Variants in IL16 observed in about 807,000 individuals in gnomAD.
The protein encoded by IL16 is interleukin 16, also known as pro-interleukin-16.
A neutral mutation model predicts 110.1 loss-of-function variants in IL16; 67 were observed. The observed-to-expected ratio is 0.61, with a 90% CI of 0.50 to 0.75. The LOEUF is 0.75. Ranked by LOEUF, IL16 falls within the 30% of genes least tolerant of loss-of-function variation. The probability of loss-of-function intolerance (pLI) is 0.00; values close to 1 mark genes in which losing one functional copy is unlikely to be tolerated. For synonymous variants in IL16, 689 were observed against 662.9 expected, an observed-to-expected ratio of 1.04 and a Z score of -0.61; for missense variants, 1,545 against 1,655.0, an observed-to-expected ratio of 0.93 and a Z score of 1.15.
At chr15:81,231,324 G>GTCTGTCTCTC (rs1896967068) in intron 2 of IL16, among the ~76,000 whole-genome samples, 5 of 47,126 alleles carry the variant, frequency 1.1e-4, no homozygotes, top group East Asian at 7.4e-4. Context: ...AGGTCGGTCT[G>GTCTGTCTCTC]TCTCTCTCTC....
chr15:81,228,222 G>A (rs1239885805), intron 2 of IL16, among the ~76,000 whole-genome samples: 1 of 152,154 alleles, frequency 6.6e-6, no homozygotes, highest in East Asian at 1.9e-4. Context: ...CTTGAGAATG[G>A]CTAGATGGCA....
At chr15:81,215,960 C>T (rs1471775753) in intron 1 of IL16, among the ~76,000 whole-genome samples, 2 of 152,232 alleles carry the variant, frequency 1.3e-5, no homozygotes, top group Admixed American at 6.5e-5. Context: ...TGCGCTCAGG[C>T]TGGGCCAAGG....
chr15:81,306,307 T>A, intron 17 of IL16, 113 bp from the exon 18 acceptor site: 2 of 1,528,004 alleles, frequency 1.3e-6, no homozygotes, highest in Non-Finnish European at 1.8e-6. Context: ...CGTGTTTACA[T>A]GTGCCTGTGT....
intron 18 of IL16, among the ~76,000 whole-genome samples, chr15:81,308,112 T>TGGAC (rs1446641032): frequency 6.6e-6 from 1 of 152,228 alleles, no homozygotes; most frequent in East Asian, 1.9e-4. Flanking sequence ...CTTTTTTATG[T>TGGAC]GGACACAGAG....
intron 1 of IL16, among the ~76,000 whole-genome samples, chr15:81,224,977 C>T (rs770637081): frequency 6.6e-6 from 1 of 152,170 alleles, no homozygotes; most frequent in Non-Finnish European, 1.5e-5. Flanking sequence ...TAAACTGTCT[C>T]CTGTAACTTA....
chr15:81,207,100 G>T (rs1382246616), intron 1 of IL16, among the ~76,000 whole-genome samples: 4 of 151,920 alleles, frequency 2.6e-5, no homozygotes, highest in Non-Finnish European at 5.9e-5. Flanking sequence ...GCCAGGCGTG[G>T]TGGTGGGCGC....
chr15:81,288,318 C>T (rs1380247604), intron 10 of IL16, among the ~76,000 whole-genome samples: 1 of 152,194 alleles, frequency 6.6e-6, no homozygotes, highest in Non-Finnish European at 1.5e-5. Context: ...TCTGGTTCCT[C>T]AACTCTGACA....
intron 2 of IL16, among the ~76,000 whole-genome samples, chr15:81,251,049 G>C (rs1216887546): frequency 1.3e-5 from 2 of 152,088 alleles, no homozygotes; most frequent in Non-Finnish European, 2.9e-5. Flanking sequence ...TCTGGGCTCT[G>C]CTTGTTTCTC....
At chr15:81,220,950 T>G (rs1170731683) in intron 1 of IL16, among the ~76,000 whole-genome samples, 1 of 152,232 alleles carries the variant, frequency 6.6e-6, no homozygotes, top group Admixed American at 6.5e-5. Context: ...TCTATCCTTT[T>G]GGCTCTGCAT....
intron 2 of IL16, among the ~76,000 whole-genome samples, chr15:81,258,480 C>T (rs1002147882): frequency 1.3e-5 from 2 of 152,166 alleles, no homozygotes; most frequent in Admixed American, 6.5e-5. Context: ...GTGGGAGGAT[C>T]ACTTGAGCCC....
intron 1 of IL16, among the ~76,000 whole-genome samples, chr15:81,219,135 G>T (rs1032465279): frequency 1.3e-5 from 2 of 152,260 alleles, no homozygotes; most frequent in South Asian, 2.1e-4. Context: ...CCTTTAAGCG[G>T]TATATTTATA....
intron 9 of IL16, among the ~76,000 whole-genome samples, chr15:81,283,025 C>T (rs1444536083): frequency 5.3e-5 from 8 of 152,194 alleles, no homozygotes; most frequent in Admixed American, 5.2e-4. Context: ...AGCCCCTCTC[C>T]AGGCCACTGG....
intron 1 of IL16, among the ~76,000 whole-genome samples, chr15:81,207,655 T>C (rs958437412): frequency 6.6e-6 from 1 of 152,160 alleles, no homozygotes; most frequent in Non-Finnish European, 1.5e-5. Context: ...TTGCTTAGAA[T>C]TATGTGTGGT....
chr15:81,246,951 G>A (rs1289680176), intron 2 of IL16, among the ~76,000 whole-genome samples: 1 of 151,164 alleles, frequency 6.6e-6, no homozygotes, highest in African/African-American at 2.4e-5. Flanking sequence ...ATTTAATCTA[G>A]TTGTTCAAAT....
At chr15:81,215,773 G>A (rs1457178957) in intron 1 of IL16, among the ~76,000 whole-genome samples, 1 of 152,164 alleles carries the variant, frequency 6.6e-6, no homozygotes, top group African/African-American at 2.4e-5. Flanking sequence ...GAGGGTGGGG[G>A]ATCCTCCCTC....
intron 1 of IL16, among the ~76,000 whole-genome samples, chr15:81,216,198 A>G (rs1896424333): frequency 6.6e-6 from 1 of 152,130 alleles, no homozygotes; most frequent in African/African-American, 2.4e-5. Context: ...TGTGCACACA[A>G]ACTCCTCAGC....
rs1896794608 is a variant in IL16 at position 81,226,558 on chromosome 15, G to A, written c.312+847G>A. Among the ~76,000 whole-genome samples, 3 of 152,320 alleles carry A rather than the reference G, an allele frequency of 2.0e-5. No individual in the cohort carries two copies. The South Asian group carries it at 6.2e-4, about 32-fold the overall frequency. On this transcript the variant is annotated intron_variant, in intron 2 of 18. Coordinates refer to ENST00000683961, the MANE Select transcript of IL16 (RefSeq NM_172217.5). ...GCATTTAAATAGGGAAGACATTCCAGTACCTTTGAAAGGGGTCTGTCACCT... is the reference window on the plus strand; with the variant it reads ...GCATTTAAATAGGGAAGACATTCCAATACCTTTGAAAGGGGTCTGTCACCT...
intron 18 of IL16, 29 bp from the exon 19 acceptor site, chr15:81,308,576 G>T: frequency 6.5e-7 from 1 of 1,544,738 alleles, no homozygotes; most frequent in South Asian, 1.2e-5. Flanking sequence ...CATCATCTGT[G>T]GAACCCATTA....
intron 14 of IL16, 132 bp from the exon 15 acceptor site, chr15:81,301,212 C>T (rs1261280914): frequency 6.0e-6 from 4 of 668,492 alleles, no homozygotes; most frequent in Non-Finnish European, 1.0e-5. Context: ...AGTATCTACT[C>T]ATAGATTTGT....
Sources: allele counts gnomAD v4.1 joint callset (sites outside exome capture counted in the v4.1 genomes callset), GRCh38; gene constraint gnomAD v4.1.1; transcripts MANE v1.5; gene names NCBI Gene and HGNC (gene_info 2026-07-23, HGNC 2026-07-21).